The following ACKR3 variants were observed in gnomAD, a reference collection of about 807,000 sequenced individuals.
The protein encoded by ACKR3 is C-X-C chemokine receptor type 7.
Under a neutral mutation model 22.4 loss-of-function variants are expected in ACKR3, and 6 were observed. The observed-to-expected ratio is 0.27, with a 90% CI of 0.15 to 0.53. The LOEUF (loss-of-function observed/expected upper bound fraction) is 0.53. ACKR3 is among the 20% of genes least tolerant of loss of function. ACKR3 has a pLI of 0.96. For synonymous variants in ACKR3, 209 were observed against 205.2 expected (o/e 1.02, Z -0.16); for missense variants, 396 against 475.2 (o/e 0.83, Z 1.55).
At chr2:236,546,638 G>A in the ACKR3 span, among the ~76,000 whole-genome samples, 5,233 of 152,246 alleles carry the variant, frequency 0.034, 213 homozygotes, top group East Asian at 0.14. The surrounding 1 kb of genome is among the most constrained non-coding windows in gnomAD (Gnocchi z 4.9). Flanking sequence ...GGAAGAGAGG[G>A]TTGGAGAACC....
the ACKR3 span, among the ~76,000 whole-genome samples, chr2:236,538,523 A>G: frequency 2.6e-5 from 4 of 152,098 alleles, no homozygotes; most frequent in Non-Finnish European, 5.9e-5. Flanking sequence ...GGAGAAATCA[A>G]TGGCAAAACT....
At chr2:236,561,011 G>A in the ACKR3 span, among the ~76,000 whole-genome samples, 1 of 152,224 alleles carries the variant, frequency 6.6e-6, no homozygotes, top group Admixed American at 6.5e-5. Flanking sequence ...GTGACAACAT[G>A]AATGAAACTT....
intron 1 of ACKR3, among the ~76,000 whole-genome samples, chr2:236,575,451 G>A (rs1226076975): frequency 2.2e-5 from 3 of 136,018 alleles, no homozygotes; most frequent in African/African-American, 8.5e-5. Context: ...CTGTGTGTGC[G>A]TGTGTCTGGG....
At chr2:236,579,924 A>G (rs1419008621) in intron 1 of ACKR3, among the ~76,000 whole-genome samples, 1 of 152,218 alleles carries the variant, frequency 6.6e-6, no homozygotes, top group Non-Finnish European at 1.5e-5. Context: ...TATAAATGCA[A>G]ATTTGGAGGA....
At chr2:236,541,590 T>G in the ACKR3 span, among the ~76,000 whole-genome samples, 3 of 152,224 alleles carry the variant, frequency 2.0e-5, no homozygotes, top group Non-Finnish European at 4.4e-5. Flanking sequence ...CTCCGTGTTT[T>G]GTTTGACTTA....
chr2:236,562,203 T>C, the ACKR3 span, among the ~76,000 whole-genome samples: 1 of 152,240 alleles, frequency 6.6e-6, no homozygotes. Context: ...GTTGTTATCA[T>C]GAATTGATTT....
At position 236,580,603 on chromosome 2, in the gene ACKR3, G is replaced by C. The variant is rs375172239; in HGVS notation, c.138G>C (p.Thr46=). Residue 46 remains threonine (T), a synonymous_variant, in exon 2 of 2, where the codon ACG becomes ACC. Transcript: ENST00000272928. ...CCAACAAAAGCGTCCTGCTCTACAC[G>C]CTCTCCTTCATTTACATTTTCATCT... ...NMPNKSVLLY[T]LSFIYIFIFV... is the part of the protein sequence containing the mutation. 2 of 1,613,646 alleles carry C rather than the reference G, an allele frequency of 1.2e-6. No homozygotes were observed. The highest frequency in any genetic ancestry group is 2.7e-5 in the African/African-American group (2 of 74,918).
Position 236,581,819 on chromosome 2 carries a change from T to A in ACKR3, c.*265T>A. 3.1e-6 allele frequency: 1 copy of A among 326,488 alleles called. No homozygotes were observed. 20.2% of individuals were successfully genotyped at this position (326,488 alleles called of 1,614,324 possible). A position where few individuals can be genotyped will look rare whatever the true frequency, so the allele number is the denominator to read the frequency against. ...AGAGCCAGCTGAGGACAGGCTTGCC[T>A]GGACTTCTGTAAGATAGGATTTTCT... On this transcript the variant is annotated 3_prime_UTR_variant, in exon 2 of 2. Transcript: ENST00000272928. This position sits in a 1 kb window ranked among gnomAD's most constrained non-coding sequence, Gnocchi z 4.4.
chr2:236,542,389 T>A, the ACKR3 span, among the ~76,000 whole-genome samples: 16 of 152,290 alleles, frequency 1.1e-4, no homozygotes, highest in South Asian at 8.3e-4. Flanking sequence ...AGGTAGCAGT[T>A]GACTTTTCAT....
the ACKR3 span, among the ~76,000 whole-genome samples, chr2:236,548,264 C>CA: frequency 1.3e-5 from 2 of 151,762 alleles, no homozygotes; most frequent in Non-Finnish European, 2.9e-5. The surrounding 1 kb of genome is among the most constrained non-coding windows in gnomAD (Gnocchi z 4.3). Context: ...CAGTGGTATT[C>CA]AGGGAATGGT....
At chr2:236,580,004 AC>A (rs35148913) in intron 1 of ACKR3, among the ~76,000 whole-genome samples, 1 of 152,172 alleles carries the variant, frequency 6.6e-6, no homozygotes, top group Non-Finnish European at 1.5e-5. Context: ...GGAGAGGACA[AC>A]CCTGCCATTC....
chr2:236,579,290 C>G (rs1691473916), intron 1 of ACKR3, among the ~76,000 whole-genome samples: 1 of 152,180 alleles, frequency 6.6e-6, no homozygotes, highest in African/African-American at 2.4e-5. Context: ...CAGTCATTAC[C>G]TGGGACAGGT....
At chr2:236,575,360 TTC>T (rs1258406142) in intron 1 of ACKR3, among the ~76,000 whole-genome samples, 1 of 152,204 alleles carries the variant, frequency 6.6e-6, no homozygotes, top group Non-Finnish European at 1.5e-5. Flanking sequence ...ATTTTTGTGT[TTC>T]TTTCTGCATA....
Position 236,580,762 on chromosome 2 carries a change from C to T in ACKR3, c.297C>T (p.Val99=), listed in dbSNP as rs771119606. 10 of 1,614,102 alleles carry T rather than the reference C, an allele frequency of 6.2e-6. No homozygotes were observed. The highest frequency in any genetic ancestry group is 7.6e-6 in the Non-Finnish European group (9 of 1,180,046). ...ADLWVVLTIP[V]WVVSLVQHNQ... ...TGTGGGTTGTCCTCACCATCCCAGT[C>T]TGGGTGGTCAGTCTCGTGCAGCACA... The change falls in exon 2 of 2, where the codon GTC becomes GTT. Residue 99 remains valine, a synonymous_variant. Coordinates refer to ENST00000272928, the MANE Select transcript of ACKR3 (RefSeq NM_020311.3).
In ACKR3 at chr2:236,580,760, G is replaced by A. The variant is rs1691506460; in HGVS notation, c.295G>A (p.Val99Ile). The A allele has an allele frequency of 1.9e-6, 3 of 1,614,220 alleles. No individual in the cohort carries two copies. Among genetic ancestry groups the A allele is most frequent in the Non-Finnish European group, 1.7e-6 (2 of 1,180,040 alleles). Residue 99 changes from valine to isoleucine, a missense_variant, in exon 2 of 2, where the codon GTC (valine) becomes ATC (isoleucine). Physicochemically the swap from Val to Ile is conservative, Grantham distance 29. Coordinates refer to ENST00000272928, the MANE Select transcript of ACKR3 (RefSeq NM_020311.3). Reference sequence around the variant, plus strand: ...CCTGTGGGTTGTCCTCACCATCCCAGTCTGGGTGGTCAGTCTCGTGCAGCA... The same window carrying A: ...CCTGTGGGTTGTCCTCACCATCCCAATCTGGGTGGTCAGTCTCGTGCAGCA... ...ADLWVVLTIP[V>I]WVVSLVQHNQ...
chr2:236,549,516 G>A, the ACKR3 span, among the ~76,000 whole-genome samples: 1 of 152,230 alleles, frequency 6.6e-6, no homozygotes, highest in Non-Finnish European at 1.5e-5. This position sits in a 1 kb window ranked among gnomAD's most constrained non-coding sequence, Gnocchi z 5.3. Flanking sequence ...TGACTAAGTG[G>A]TGTGTCTGGT....
At chr2:236,561,641 GCCA>G in the ACKR3 span, among the ~76,000 whole-genome samples, 1 of 152,042 alleles carries the variant, frequency 6.6e-6, no homozygotes, top group Non-Finnish European at 1.5e-5. Flanking sequence ...ACAGGTGTGT[GCCA>G]CCATGCCTGG....
chr2:236,578,267 T>A (rs1279734806), intron 1 of ACKR3, among the ~76,000 whole-genome samples: 3 of 152,200 alleles, frequency 2.0e-5, no homozygotes, highest in Admixed American at 2.0e-4. Flanking sequence ...GCCTACGTCC[T>A]TTTGGAGTTC....
At chr2:236,556,367 C>T in the ACKR3 span, among the ~76,000 whole-genome samples, 1 of 152,040 alleles carries the variant, frequency 6.6e-6, no homozygotes. Flanking sequence ...TGTGAATCGT[C>T]CCTTATATGG....
Sources: gnomAD v4.1 joint callset for allele counts (sites outside exome capture counted in the v4.1 genomes callset) on GRCh38, gnomAD v4.1.1 for gene constraint, Gnocchi (gnomAD v3.1) non-coding constraint, MANE v1.5 for transcripts, NCBI Gene and HGNC (gene_info 2026-07-23, HGNC 2026-07-21) for gene names.